TRPC7: variants seen among roughly 807,000 people sequenced by gnomAD.
TRPC7 encodes the protein short transient receptor potential channel 7.
TRPC7 carries 42 observed loss-of-function variants against 90.1 expected under a neutral mutation model. The observed-to-expected ratio is 0.47, with a 90% CI of 0.36 to 0.60. The LOEUF is 0.60. Among genes scored for constraint, TRPC7 ranks in the 20% least tolerant of loss-of-function variants. TRPC7 has a pLI of 0.00. For missense variants in TRPC7, 955 were observed against 1,112.3 expected (o/e 0.86, Z 2.01); for synonymous variants, 451 against 436.3 (o/e 1.03, Z -0.42).
intron 1 of TRPC7, among the ~76,000 whole-genome samples, chr5:136,362,329 C>A (rs1224230894): frequency 6.6e-6 from 1 of 151,918 alleles, no homozygotes; most frequent in African/African-American, 2.4e-5. Context: ...TTTATTTATT[C>A]ATTTATTTTT....
At chr5:136,287,611 G>A (rs1757764830) in intron 3 of TRPC7, among the ~76,000 whole-genome samples, 1 of 141,654 alleles carries the variant, frequency 7.1e-6, no homozygotes, top group African/African-American at 2.7e-5. Context: ...AGCTCCAGGA[G>A]GAACGGGTTA....
intron 10 of TRPC7, among the ~76,000 whole-genome samples, chr5:136,218,045 A>G (rs1287095760): frequency 6.9e-6 from 1 of 145,774 alleles, no homozygotes; most frequent in Admixed American, 6.9e-5. Context: ...AAAAGAATAT[A>G]TATATAATAT....
chr5:136,293,580 C>T (rs1344540048), intron 3 of TRPC7, among the ~76,000 whole-genome samples: 1 of 152,120 alleles, frequency 6.6e-6, no homozygotes, highest in Non-Finnish European at 1.5e-5. Flanking sequence ...ATCCAACTTA[C>T]AAGGGATGTG....
rs565717876 is a variant in TRPC7, at chr5:136,330,109, C to T, written c.781-14330G>A. Among the ~76,000 whole-genome samples the T allele has an allele frequency of 9.3e-4, 141 of 152,308 alleles. 1 individual carries two copies. Among genetic ancestry groups the T allele is most frequent in the Non-Finnish European group, 1.7e-3 (113 of 68,030 alleles). ...AAGAGAAAGAGGGACCTTTGGGAAG[C>T]CCTGTGGCTCACATACATGGAAGCA... On this transcript the variant is annotated intron_variant, in intron 2 of 11. Transcript: ENST00000513104.
At chr5:136,285,973 A>G (rs1021009965) in intron 3 of TRPC7, among the ~76,000 whole-genome samples, 7 of 152,176 alleles carry the variant, frequency 4.6e-5, no homozygotes, top group African/African-American at 9.7e-5. Flanking sequence ...GGCAACCACT[A>G]GAGTTTATTA....
At chr5:136,328,753 T>A (rs1052380722) in intron 2 of TRPC7, among the ~76,000 whole-genome samples, 1 of 152,224 alleles carries the variant, frequency 6.6e-6, no homozygotes, top group African/African-American at 2.4e-5. Context: ...CTAGAGTGTA[T>A]AGGTTAGCAG....
chr5:136,354,548 A>G (rs1436224066), intron 2 of TRPC7, among the ~76,000 whole-genome samples: 1 of 152,138 alleles, frequency 6.6e-6, no homozygotes, highest in Non-Finnish European at 1.5e-5. Flanking sequence ...CCTCACCTAC[A>G]TACAACAAAA....
chr5:136,315,525 A>G, intron 3 of TRPC7, 72 bp downstream of exon 3: 1 of 1,526,516 alleles, frequency 6.6e-7, no homozygotes, highest in Non-Finnish European at 8.9e-7. Context: ...AATAGACATG[A>G]GCAAAAAGCA....
intron 3 of TRPC7, among the ~76,000 whole-genome samples, chr5:136,281,093 A>G (rs903328213): frequency 1.3e-5 from 2 of 152,110 alleles, no homozygotes; most frequent in African/African-American, 4.8e-5. Context: ...GATTATGGTG[A>G]TTTTTCCATT....
chr5:136,343,510 C>A (rs1759909085), intron 2 of TRPC7, among the ~76,000 whole-genome samples: 1 of 152,216 alleles, frequency 6.6e-6, no homozygotes, highest in Admixed American at 6.5e-5. Context: ...TGAGAAGAAT[C>A]TGAACAGACA....
chr5:136,356,558 G>A, intron 2 of TRPC7, 50 bp downstream of exon 2: 7 of 1,482,900 alleles, frequency 4.7e-6, no homozygotes, highest in Non-Finnish European at 6.3e-6. Flanking sequence ...GACACACGTG[G>A]AAGAGCCCCC....
At chr5:136,246,527 C>G (rs1756345346) in intron 7 of TRPC7, among the ~76,000 whole-genome samples, 1 of 152,184 alleles carries the variant, frequency 6.6e-6, no homozygotes, top group Non-Finnish European at 1.5e-5. Flanking sequence ...AGAGGTCCAT[C>G]ATGCCCATGC....
At chr5:136,331,243 T>C (rs1391175644) in intron 2 of TRPC7, among the ~76,000 whole-genome samples, 1 of 152,172 alleles carries the variant, frequency 6.6e-6, no homozygotes, top group Non-Finnish European at 1.5e-5. Flanking sequence ...CCTGGATCCT[T>C]CCAAGGCTTC....
At chr5:136,288,191 C>T (rs924355681) in intron 3 of TRPC7, among the ~76,000 whole-genome samples, 5 of 151,930 alleles carry the variant, frequency 3.3e-5, no homozygotes, top group African/African-American at 7.3e-5. Context: ...AACCCAGACA[C>T]GCCTACTTCA....
At chr5:136,329,807 G>T (rs3756694) in intron 2 of TRPC7, among the ~76,000 whole-genome samples, 13,217 of 152,160 alleles carry the variant, frequency 0.087, 732 homozygotes, top group Non-Finnish European at 0.13. Context: ...ATGCTGCTTG[G>T]TTCTCTCTCG....
At chr5:136,308,136 A>G (rs893824415) in intron 3 of TRPC7, among the ~76,000 whole-genome samples, 2 of 152,198 alleles carry the variant, frequency 1.3e-5, no homozygotes, top group Non-Finnish European at 2.9e-5. Context: ...ATCACAATCC[A>G]TATTTACATA....
At chr5:136,329,791 T>C (rs572289569) in intron 2 of TRPC7, among the ~76,000 whole-genome samples, 1 of 152,280 alleles carries the variant, frequency 6.6e-6, no homozygotes, top group African/African-American at 2.4e-5. Context: ...CTTAGCCAGG[T>C]TAAAGATGCT....
At chr5:136,217,461 C>G (rs1045834592) in intron 10 of TRPC7, among the ~76,000 whole-genome samples, 1 of 152,174 alleles carries the variant, frequency 6.6e-6, no homozygotes, top group Admixed American at 6.5e-5. Context: ...CACCTGAACC[C>G]GAAAGGCTCT....
At chr5:136,364,808 T>C (rs1179028911) in intron 1 of TRPC7, among the ~76,000 whole-genome samples, 2 of 152,164 alleles carry the variant, frequency 1.3e-5, no homozygotes, top group African/African-American at 4.8e-5. Context: ...AAAATGACAA[T>C]CTCTTTCTTG....
Sources: allele counts gnomAD v4.1 joint callset (sites outside exome capture counted in the v4.1 genomes callset), GRCh38; gene constraint gnomAD v4.1.1; transcripts MANE v1.5; gene names NCBI Gene and HGNC (gene_info 2026-07-23, HGNC 2026-07-21).